The following RIMS1 variants were observed in gnomAD, a reference collection of about 807,000 sequenced individuals.
The protein encoded by RIMS1 is regulating synaptic membrane exocytosis protein 1.
A neutral mutation model predicts 214.1 loss-of-function variants in RIMS1; 83 were observed. That is an observed-to-expected ratio of 0.39 (90% CI 0.32 to 0.47). The LOEUF is 0.47. Among genes scored for constraint, RIMS1 ranks in the 20% least tolerant of loss-of-function variants. RIMS1 has a pLI of 0.99. For synonymous variants in RIMS1, 793 were observed against 786.8 expected (o/e 1.01, Z -0.13); for missense variants, 2,050 against 2,161.8 (o/e 0.95, Z 1.03).
intron 11 of RIMS1, among the ~76,000 whole-genome samples, chr6:72,246,768 T>G (rs1177375395): frequency 2.0e-5 from 3 of 152,168 alleles, no homozygotes; most frequent in Non-Finnish European, 4.4e-5. Context: ...ATTGCATAAT[T>G]TATATTATTG....
At chr6:71,918,037 C>T (rs1469813849) in intron 1 of RIMS1, among the ~76,000 whole-genome samples, 3 of 151,988 alleles carry the variant, frequency 2.0e-5, no homozygotes, top group Middle Eastern at 3.2e-3. Context: ...ATGCTAAGTA[C>T]GTAGTCGAAT....
intron 29 of RIMS1, among the ~76,000 whole-genome samples, chr6:72,373,916 T>A (rs1201312543): frequency 3.3e-5 from 5 of 152,232 alleles, no homozygotes; most frequent in South Asian, 2.1e-4. Context: ...ATTATTTATT[T>A]TTTATTTTTA....
intron 2 of RIMS1, among the ~76,000 whole-genome samples, chr6:72,037,968 C>T (rs1405505349): frequency 2.0e-5 from 3 of 150,262 alleles, no homozygotes; most frequent in Non-Finnish European, 4.4e-5. Flanking sequence ...CTTAAGATAT[C>T]TGGGCACTCT....
At chr6:72,144,418 T>C (rs2042450964) in intron 4 of RIMS1, among the ~76,000 whole-genome samples, 1 of 152,222 alleles carries the variant, frequency 6.6e-6, no homozygotes, top group African/African-American at 2.4e-5. Context: ...AGTATTTTTC[T>C]TGGTCACTTT....
In RIMS1 at chr6:72,288,420, A is replaced by G. The variant is rs565777609; in HGVS notation, c.3555-2259A>G. ...GGCATGAATAGATGACCCTATATTG[A>G]TGCTCAGTAAGGAATAGCTGTTACT... On this transcript the variant is annotated intron_variant, in intron 24 of 33. Coordinates refer to ENST00000521978, the MANE Select transcript of RIMS1 (RefSeq NM_014989.7). 3.3e-5 allele frequency among the ~76,000 whole-genome samples: 5 copies of G among 152,250 alleles called. No homozygotes were observed. In the South Asian group the frequency reaches 1.0e-3, roughly 32 times the overall value.
At chr6:72,321,118 A>G (rs1265210434) in intron 28 of RIMS1, among the ~76,000 whole-genome samples, 1 of 152,092 alleles carries the variant, frequency 6.6e-6, no homozygotes, top group South Asian at 2.1e-4. Flanking sequence ...TGTATCCTCA[A>G]GATGGCATAT....
At position 71,910,818 on chromosome 6, in the gene RIMS1, G is replaced by A. The variant is rs372739612; in HGVS notation, c.164+23631G>A. ...CTCTGATAATTTGAGCATTTACCCTGAGCCAAAGTTTAATTAATTTTTCAC... is the reference window on the plus strand; with the variant it reads ...CTCTGATAATTTGAGCATTTACCCTAAGCCAAAGTTTAATTAATTTTTCAC... On this transcript the variant is annotated intron_variant, in intron 1 of 33. Coordinates refer to ENST00000521978, the MANE Select transcript of RIMS1 (RefSeq NM_014989.7). Among the ~76,000 whole-genome samples, 5 of 152,222 alleles carry A rather than the reference G, an allele frequency of 3.3e-5. No homozygotes were observed. The East Asian group carries it at 9.7e-4, about 29-fold the overall frequency.
intron 2 of RIMS1, among the ~76,000 whole-genome samples, chr6:72,032,624 A>C (rs560360788): frequency 6.6e-6 from 1 of 152,324 alleles, no homozygotes; most frequent in African/African-American, 2.4e-5. Flanking sequence ...CTCCTTAAGA[A>C]GAAATGTAGA....
chr6:72,135,399 T>C (rs2041122927), intron 4 of RIMS1, among the ~76,000 whole-genome samples: 1 of 152,126 alleles, frequency 6.6e-6, no homozygotes, highest in Non-Finnish European at 1.5e-5. Flanking sequence ...TCAAGAACAT[T>C]TGAATTCACC....
intron 2 of RIMS1, among the ~76,000 whole-genome samples, chr6:71,984,410 A>G (rs568217313): frequency 3.6e-4 from 55 of 152,198 alleles, no homozygotes; most frequent in African/African-American, 1.3e-3. Flanking sequence ...CTGTGTCTCT[A>G]CCTTTTACAG....
chr6:72,111,454 T>C (rs1562336454), intron 4 of RIMS1, among the ~76,000 whole-genome samples: 1 of 152,170 alleles, frequency 6.6e-6, no homozygotes, highest in Admixed American at 6.6e-5. Flanking sequence ...CATAACCCCT[T>C]AAGAATATGA....
chr6:72,026,524 C>T (rs1816576331), intron 2 of RIMS1, among the ~76,000 whole-genome samples: 1 of 132,458 alleles, frequency 7.5e-6, no homozygotes, highest in Non-Finnish European at 1.6e-5. Context: ...AATGTGGAGT[C>T]CATTTGGGTT....
At chr6:72,263,499 G>C in intron 19 of RIMS1, 1 of 984,350 alleles carries the variant, frequency 1.0e-6, no homozygotes, top group Non-Finnish European at 1.2e-6. Context: ...TGAACATTCA[G>C]ACTATAAATT....
intron 12 of RIMS1, among the ~76,000 whole-genome samples, chr6:72,248,932 G>A (rs1481272253): frequency 6.6e-6 from 1 of 152,018 alleles, no homozygotes; most frequent in Non-Finnish European, 1.5e-5. Context: ...TTATCTGCCG[G>A]CCATCTTTTT....
chr6:72,104,439 C>T (rs1339558477), intron 4 of RIMS1, among the ~76,000 whole-genome samples: 1 of 152,130 alleles, frequency 6.6e-6, no homozygotes, highest in Non-Finnish European at 1.5e-5. Flanking sequence ...CACATACCTG[C>T]CATCCAACAG....
chr6:72,144,628 A>C (rs2042491051), intron 4 of RIMS1, among the ~76,000 whole-genome samples: 1 of 152,132 alleles, frequency 6.6e-6, no homozygotes, highest in Non-Finnish European at 1.5e-5. Flanking sequence ...TCCAAAAAAA[A>C]AAAGAAGCCT....
chr6:71,956,211 C>A (rs533464468), intron 1 of RIMS1, among the ~76,000 whole-genome samples: 46 of 152,126 alleles, frequency 3.0e-4, no homozygotes, highest in Non-Finnish European at 5.6e-4. Flanking sequence ...AATTTTCCCA[C>A]GTATCTAATT....
chr6:72,185,435 A>G (rs2048960983), intron 6 of RIMS1, among the ~76,000 whole-genome samples: 1 of 152,208 alleles, frequency 6.6e-6, no homozygotes, highest in African/African-American at 2.4e-5. Context: ...TGAAAAAAAA[A>G]GGTGTGGGGT....
intron 9 of RIMS1, among the ~76,000 whole-genome samples, chr6:72,238,538 T>C (rs1036368455): frequency 6.6e-6 from 1 of 152,184 alleles, no homozygotes; most frequent in African/African-American, 2.4e-5. Flanking sequence ...TTATTTAATA[T>C]ATGTAAATGT....
Sources: gnomAD v4.1 joint callset for allele counts (sites outside exome capture counted in the v4.1 genomes callset) on GRCh38, gnomAD v4.1.1 for gene constraint, MANE v1.5 for transcripts, NCBI Gene and HGNC (gene_info 2026-07-23, HGNC 2026-07-21) for gene names.